Variants in DGKB observed in about 807,000 individuals in gnomAD.
The protein encoded by DGKB is diacylglycerol kinase beta.
A neutral mutation model predicts 114.3 loss-of-function variants in DGKB; 67 were observed. The observed-to-expected ratio is 0.59, with a 90% CI of 0.48 to 0.72. The LOEUF is 0.72. Ranked by LOEUF, DGKB falls within the 30% of genes least tolerant of loss-of-function variation. DGKB has a pLI of 0.00. For synonymous variants in DGKB, 398 were observed against 323.1 expected, an observed-to-expected ratio of 1.23 and a Z score of -2.49; for missense variants, 907 against 975.2, an observed-to-expected ratio of 0.93 and a Z score of 0.93.
At chr7:14,178,205 T>C (rs955755825) in intron 23 of DGKB, 54 bp from the exon 24 acceptor site, 27 of 1,570,332 alleles carry the variant, frequency 1.7e-5, no homozygotes, top group Non-Finnish European at 2.3e-5. Flanking sequence ...ATGTCCACAA[T>C]TTAATGCCAT....
At chr7:14,790,713 A>G (rs1840551342) in intron 2 of DGKB, among the ~76,000 whole-genome samples, 1 of 152,182 alleles carries the variant, frequency 6.6e-6, no homozygotes, top group Non-Finnish European at 1.5e-5. Context: ...GCTTGTATAT[A>G]GTAAGGTCTT....
At chr7:14,613,446 T>C (rs1805939898) in intron 15 of DGKB, 33 bp from the exon 16 acceptor site, 3 of 1,154,152 alleles carry the variant, frequency 2.6e-6, no homozygotes, top group East Asian at 5.2e-5. Flanking sequence ...GGAAAAATTA[T>C]TAGGCCCATT....
chr7:14,221,409 A>C (rs371455419), intron 23 of DGKB, among the ~76,000 whole-genome samples: 13 of 151,240 alleles, frequency 8.6e-5, no homozygotes, highest in African/African-American at 3.1e-4. Context: ...TGAGTACTTT[A>C]TCTGTGTGTA....
At chr7:14,360,028 G>A (rs1583402120) in intron 21 of DGKB, among the ~76,000 whole-genome samples, 2 of 151,876 alleles carry the variant, frequency 1.3e-5, no homozygotes, top group African/African-American at 2.4e-5. Flanking sequence ...TGTTTATTGC[G>A]GCACTATTCA....
chr7:14,392,995 G>GTTTTTGTTTTTGTTTTGTTTTT, intron 21 of DGKB, among the ~76,000 whole-genome samples: 2 of 60,546 alleles, frequency 3.3e-5, no homozygotes, highest in Non-Finnish European at 6.9e-5. Flanking sequence ...TTTTGTTTTT[G>GTTTTTGTTTTTGTTTTGTTTTT]TTTTTTTTTT....
At chr7:14,665,706 G>C (rs1315194104) in intron 13 of DGKB, among the ~76,000 whole-genome samples, 1 of 151,778 alleles carries the variant, frequency 6.6e-6, no homozygotes, top group Non-Finnish European at 1.5e-5. Context: ...TGTTGATGGT[G>C]GCAGAATTAA....
At chr7:14,153,076 C>T (rs1488627689) in intron 25 of DGKB, among the ~76,000 whole-genome samples, 1 of 151,946 alleles carries the variant, frequency 6.6e-6, no homozygotes, top group East Asian at 1.9e-4. Context: ...ATGTTTATTC[C>T]CCAGATATTT....
chr7:14,499,383 C>T (rs898649053), intron 20 of DGKB, among the ~76,000 whole-genome samples: 2 of 150,508 alleles, frequency 1.3e-5, no homozygotes, highest in African/African-American at 4.9e-5. Context: ...GTATGTTTTG[C>T]TCATTCAGAA....
chr7:14,891,059 T>C lies in DGKB; in HGVS notation c.-188+11533A>G, dbSNP rs999510277. 2.6e-5 allele frequency among the ~76,000 whole-genome samples: 4 copies of C among 151,396 alleles called. No homozygotes were observed. In the South Asian group the frequency reaches 6.2e-4, roughly 24 times the overall value. On this transcript the variant is annotated intron_variant, in intron 1 of 25. Transcript: ENST00000402815. ...AAACATAAAAGAGAGGAAAATATGG[T>C]AACGTACAGGTACTTGTTCAGCATC...
chr7:14,895,843 G>C (rs1210660503), intron 1 of DGKB, among the ~76,000 whole-genome samples: 1 of 151,658 alleles, frequency 6.6e-6, no homozygotes, highest in Non-Finnish European at 1.5e-5. Flanking sequence ...CAAGACAAGT[G>C]AGAATTCTCC....
chr7:14,377,538 C>T (rs1480492383), intron 21 of DGKB, among the ~76,000 whole-genome samples: 6 of 152,150 alleles, frequency 3.9e-5, no homozygotes, highest in Non-Finnish European at 1.5e-5. Flanking sequence ...AATAATCATT[C>T]TTATCTTCTA....
intron 4 of DGKB, among the ~76,000 whole-genome samples, chr7:14,743,793 G>A (rs1589844): frequency 0.057 from 8,710 of 152,156 alleles, 374 homozygotes; most frequent in Admixed American, 0.11. Context: ...ATTTCTGACT[G>A]TAACTACCCT....
chr7:14,831,719 C>A (rs1846440133), intron 2 of DGKB, among the ~76,000 whole-genome samples: 1 of 152,074 alleles, frequency 6.6e-6, no homozygotes, highest in Non-Finnish European at 1.5e-5. Flanking sequence ...AGCAGGCTAT[C>A]TTATTACACA....
intron 1 of DGKB, among the ~76,000 whole-genome samples, chr7:14,854,668 T>A (rs1361916592): frequency 2.0e-5 from 3 of 152,206 alleles, no homozygotes; most frequent in African/African-American, 7.2e-5. Context: ...CACCTCCTGC[T>A]GTGCAGCCCG....
chr7:14,925,045 C>A (rs1784683034), intron 1 of DGKB, among the ~76,000 whole-genome samples: 1 of 152,086 alleles, frequency 6.6e-6, no homozygotes, highest in South Asian at 2.1e-4. Flanking sequence ...TAATGATTGG[C>A]TTTTTTCACT....
chr7:14,498,824 G>A (rs10264038), intron 20 of DGKB, among the ~76,000 whole-genome samples: 29,523 of 151,418 alleles, frequency 0.19, 4,147 homozygotes, highest in East Asian at 0.54. Flanking sequence ...ATTTACTTGC[G>A]GTAAGTTTAC....
At chr7:14,945,330 G>T (rs1785812537) in intron 1 of DGKB, among the ~76,000 whole-genome samples, 1 of 151,776 alleles carries the variant, frequency 6.6e-6, no homozygotes, top group Non-Finnish European at 1.5e-5. Context: ...TCTTTGGAGA[G>T]GCGGTAGTAA....
At chr7:14,817,912 A>T (rs1286143905) in intron 2 of DGKB, among the ~76,000 whole-genome samples, 1 of 148,082 alleles carries the variant, frequency 6.8e-6, no homozygotes, top group African/African-American at 2.5e-5. Context: ...CATGATGCTG[A>T]CAGCAAGAAT....
chr7:14,152,393 G>GCACT (rs1782349550), intron 25 of DGKB, among the ~76,000 whole-genome samples: 1 of 152,014 alleles, frequency 6.6e-6, no homozygotes, highest in African/African-American at 2.4e-5. Flanking sequence ...AGGATACTGG[G>GCACT]CACTCATAAA....
Sources: allele counts gnomAD v4.1 joint callset (sites outside exome capture counted in the v4.1 genomes callset), GRCh38; gene constraint gnomAD v4.1.1; transcripts MANE v1.5; gene names NCBI Gene and HGNC (gene_info 2026-07-23, HGNC 2026-07-21).